Variants in NECAP2 observed in about 807,000 individuals in gnomAD.
NECAP2 encodes adaptin ear-binding coat-associated protein 2.
NECAP2 carries 38 observed loss-of-function variants against 37.8 expected under a neutral mutation model. That is an observed-to-expected ratio of 1.01 (90% CI 0.78 to 1.32). The LOEUF (loss-of-function observed/expected upper bound fraction) is 1.32, where lower values mean the gene tolerates loss of function less well. NECAP2 is among the 40% of genes most tolerant of loss of function. NECAP2 has a pLI of 0.00. For synonymous variants in NECAP2, 121 were observed against 127.7 expected (o/e 0.95, Z 0.35); for missense variants, 316 against 334.5 (o/e 0.94, Z 0.43).
At chr1:16,453,776 C>T (rs375514380) in intron 6 of NECAP2, among the ~76,000 whole-genome samples, 28 of 152,216 alleles carry the variant, frequency 1.8e-4, no homozygotes, top group African/African-American at 3.6e-4. Context: ...CATGAGCCAC[C>T]GTGCCTGGCC....
In NECAP2 at chr1:16,455,927, G is replaced by T. The variant is rs772721152; in HGVS notation, c.743+34G>T. ...GGCCATGTTCTGCGGAGGGGCTGGG[G>T]CCAGGGCCGTTGCTCTACAAACCTG... is the stretch of plus-strand genomic sequence containing the variant. On this transcript the variant is annotated intron_variant, in intron 7 of 7. Coordinates refer to ENST00000337132, the MANE Select transcript of NECAP2 (RefSeq NM_018090.5). 8 of 1,559,264 alleles carry T rather than the reference G, an allele frequency of 5.1e-6. No individual in the cohort carries two copies. The South Asian group carries it at 8.9e-5, about 17-fold the overall frequency.
chr1:16,445,755 T>C (rs2086750733), intron 2 of NECAP2, among the ~76,000 whole-genome samples: 1 of 151,964 alleles, frequency 6.6e-6, no homozygotes, highest in Admixed American at 6.6e-5. Flanking sequence ...AATACAAAAA[T>C]TAGCCAGGCG....
intron 5 of NECAP2, chr1:16,450,858 A>T (rs2086831950): frequency 6.6e-6 from 1 of 152,196 alleles, no homozygotes; most frequent in South Asian, 2.1e-4. Context: ...GAGGCAGGAG[A>T]ATTGGCTTGA....
At position 16,448,270 on chromosome 1, in the gene NECAP2, G is replaced by A. The variant is rs1049409671; in HGVS notation, c.380+129G>A. 4.3e-5 allele frequency: 37 copies of A among 863,030 alleles called. 1 individual carries two copies. In the Admixed American group the frequency reaches 6.7e-4, roughly 16 times the overall value. 53.5% of individuals were successfully genotyped at this position (863,030 alleles called of 1,614,324 possible). A position where few individuals can be genotyped will look rare whatever the true frequency, so the allele number is the denominator to read the frequency against. ...GCAGCAGAGACTCAGGAGAACCCAG[G>A]ACAAGCCACCTCTCTTCTCTGCCAA... On this transcript the variant is annotated intron_variant, in intron 4 of 7. Transcript: ENST00000337132.
At position 16,440,740 on chromosome 1, in the gene NECAP2, T is replaced by G; in HGVS notation, c.-22T>G. 6.2e-7 allele frequency: 1 copy of G among 1,608,852 alleles called. No homozygotes were observed. The highest frequency in any genetic ancestry group is 8.5e-7 in the Non-Finnish European group (1 of 1,175,412). The stretch of plus-strand genomic sequence containing the variant: ...AGGAACGGTGGAAGTCGCCGGAAGT[T>G]CGGTGGGCTCCAGGCGTCGCGATGG... On this transcript the variant is annotated 5_prime_UTR_variant, in exon 1 of 8. Transcript: ENST00000337132.
In NECAP2 at chr1:16,458,986, T is replaced by A; in HGVS notation, c.*96T>A. ...GAAGCCCTCCTCAGCTGGCCTGTGT[T>A]TGGGGCATGAATCTCTCCTCTCCTC... On this transcript the variant is annotated 3_prime_UTR_variant, in exon 8 of 8. Coordinates refer to ENST00000337132, the MANE Select transcript of NECAP2 (RefSeq NM_018090.5). 6.2e-7 allele frequency: 1 copy of A among 1,604,064 alleles called. No individual in the cohort carries two copies. Among genetic ancestry groups the A allele is most frequent in the Non-Finnish European group, 8.5e-7 (1 of 1,175,328 alleles).
At chr1:16,442,745 T>C (rs1294663815) in intron 1 of NECAP2, among the ~76,000 whole-genome samples, 2 of 152,160 alleles carry the variant, frequency 1.3e-5, no homozygotes, top group African/African-American at 2.4e-5. Context: ...CTGGGCAACA[T>C]AGACCCTATC....
intron 1 of NECAP2, among the ~76,000 whole-genome samples, chr1:16,442,557 G>C (rs1179453181): frequency 1.3e-5 from 2 of 152,162 alleles, no homozygotes; most frequent in African/African-American, 4.8e-5. Flanking sequence ...AAGCCTCCTG[G>C]AAACACCTGC....
rs1450581481 is a variant in NECAP2 at position 16,458,868 on chromosome 1, G to A, written c.770G>A (p.Gly257Asp). ...TCAACTTCCAGCCAGACCCAGCCAG[G>A]CACAGGCTGGGTCCAGTTCTGACCT... ...TGSTSSQTQPGTGWVQF is the reference protein window; with the variant it reads ...TGSTSSQTQPDTGWVQF Residue 257 changes from glycine to aspartate, a missense_variant, in exon 8 of 8, where the codon GGC becomes GAC. This residue lies in a region of NECAP2 where 204 missense variants were observed against 188.6 expected (regional missense o/e 1.08). Coordinates refer to ENST00000337132, the MANE Select transcript of NECAP2 (RefSeq NM_018090.5). The A allele has an allele frequency of 1.2e-6, 2 of 1,613,520 alleles. No homozygotes were observed. The highest frequency in any genetic ancestry group is 1.7e-6 in the Non-Finnish European group (2 of 1,179,864).
chr1:16,440,800 GC>G lies in NECAP2; in HGVS notation c.41del (p.Pro14LeufsTer33). 6.2e-7 allele frequency: 1 copy of G among 1,614,204 alleles called. No individual in the cohort carries two copies. Among genetic ancestry groups the G allele is most frequent in the Non-Finnish European group, 8.5e-7 (1 of 1,180,034 alleles). ...GGTACGAGTCGGTGCTCTGTGTCAA[GC>G]CTGACGTCCACGTCTACCGCATCCC... ...SGYESVLCVK[P>X]DVHVYRIPPR... On this transcript the variant is annotated frameshift_variant, in exon 1 of 8. Coordinates refer to ENST00000337132, the MANE Select transcript of NECAP2 (RefSeq NM_018090.5). LOFTEE classifies it high-confidence loss of function.
At chr1:16,441,684 G>A (rs1456689009) in intron 1 of NECAP2, 1 of 152,248 alleles carries the variant, frequency 6.6e-6, no homozygotes, top group Admixed American at 6.5e-5. Flanking sequence ...GCGGGGGCCT[G>A]GGTGGCTCTT....
chr1:16,447,432 T>C (rs1253839073), intron 2 of NECAP2, among the ~76,000 whole-genome samples: 1 of 152,190 alleles, frequency 6.6e-6, no homozygotes, highest in Non-Finnish European at 1.5e-5. Flanking sequence ...GCCCCTCTTA[T>C]AGTCCTGCCT....
intron 1 of NECAP2, among the ~76,000 whole-genome samples, chr1:16,442,903 C>T (rs752238574): frequency 4.6e-5 from 7 of 152,180 alleles, no homozygotes; most frequent in African/African-American, 7.2e-5. Context: ...GCCCGGGTGA[C>T]AGAGTGAGAC....
chr1:16,452,080 G>A, intron 6 of NECAP2, 65 bp downstream of exon 6: 1 of 1,471,010 alleles, frequency 6.8e-7, no homozygotes, highest in Admixed American at 2.3e-5. Context: ...TGGCAGCCAG[G>A]CCCCATGGTT....
intron 5 of NECAP2, 170 bp downstream of exon 5, chr1:16,449,371 G>C: frequency 3.5e-6 from 2 of 577,566 alleles, no homozygotes; most frequent in Non-Finnish European, 6.2e-6. Flanking sequence ...TGTTCTCATG[G>C]AGCTCAGAGT....
At chr1:16,456,330 T>C (rs925768622) in intron 7 of NECAP2, among the ~76,000 whole-genome samples, 7 of 152,138 alleles carry the variant, frequency 4.6e-5, no homozygotes, top group African/African-American at 1.7e-4. Flanking sequence ...TGGCCTGATT[T>C]GGATGTTTTC....
chr1:16,448,104 G>A lies in NECAP2; in HGVS notation c.343G>A (p.Ala115Thr). ...IGIGFGDRGDAFDFNVALQDH... is the reference protein window; with the variant it reads ...IGIGFGDRGDTFDFNVALQDH... ...AATTGGCTTCGGGGACCGAGGTGAT[G>A]CCTTTGACTTCAATGTTGCATTGCA... The change falls in exon 4 of 8, where the codon GCC (alanine) becomes ACC (threonine). Residue 115 changes from alanine (A) to threonine (T), a missense_variant. By Grantham distance (58) the Ala-to-Thr change is moderately conservative. This residue lies in a region of NECAP2 where 204 missense variants were observed against 188.6 expected (regional missense o/e 1.08). Coordinates refer to ENST00000337132, the MANE Select transcript of NECAP2 (RefSeq NM_018090.5). 1 of 1,614,200 alleles carries A rather than the reference G, an allele frequency of 6.2e-7. No homozygotes were observed. Among genetic ancestry groups the A allele is most frequent in the South Asian group, 1.1e-5 (1 of 91,082 alleles).
chr1:16,452,048 A>G, intron 6 of NECAP2, 33 bp downstream of exon 6: 1 of 1,522,968 alleles, frequency 6.6e-7, no homozygotes, highest in Non-Finnish European at 8.8e-7. Context: ...CTGCATCAGT[A>G]CCTGCCGGCT....
chr1:16,452,510 G>A (rs2086860216), intron 6 of NECAP2, among the ~76,000 whole-genome samples: 1 of 152,120 alleles, frequency 6.6e-6, no homozygotes, highest in African/African-American at 2.4e-5. Context: ...GCAGAGAGAA[G>A]AACACGAATG....
Sources: allele counts gnomAD v4.1 joint callset (sites outside exome capture counted in the v4.1 genomes callset), GRCh38; gene constraint gnomAD v4.1.1; regional missense constraint gnomAD v4.1.1; transcripts MANE v1.5; gene names NCBI Gene and HGNC (gene_info 2026-07-23, HGNC 2026-07-21).